Variants in CA12 observed in about 807,000 individuals in gnomAD.
The protein encoded by CA12 is carbonate dehydratase XII.
Under a neutral mutation model 46.8 loss-of-function variants are expected in CA12, and 36 were observed. The observed-to-expected ratio is 0.77, with a 90% CI of 0.59 to 1.02. The LOEUF is 1.02. CA12 is among the 50% of genes least tolerant of loss of function. The pLI, the probability that CA12 is intolerant of heterozygous loss-of-function variation, is 0.00. For synonymous variants in CA12, 202 were observed against 187.0 expected (o/e 1.08, Z -0.65); for missense variants, 436 against 451.4 (o/e 0.97, Z 0.31).
chr15:63,360,907 CCT>C (rs1257733030), intron 2 of CA12, among the ~76,000 whole-genome samples: 1 of 152,248 alleles, frequency 6.6e-6, no homozygotes, highest in Non-Finnish European at 1.5e-5. Flanking sequence ...TCTCTGGTTC[CCT>C]GTGACCAGCC....
intron 2 of CA12, among the ~76,000 whole-genome samples, chr15:63,356,167 C>G (rs938533644): frequency 6.6e-6 from 1 of 152,058 alleles, no homozygotes; most frequent in Non-Finnish European, 1.5e-5. Context: ...CCAAGGAGGG[C>G]AGATCACCTG....
At chr15:63,380,592 C>T (rs1445082477) in intron 1 of CA12, among the ~76,000 whole-genome samples, 1 of 152,238 alleles carries the variant, frequency 6.6e-6, no homozygotes, top group East Asian at 1.9e-4. Flanking sequence ...GCTTCTGTTT[C>T]TCCCTGACCA....
At chr15:63,350,223 G>A (rs1351520312) in intron 2 of CA12, among the ~76,000 whole-genome samples, 2 of 152,188 alleles carry the variant, frequency 1.3e-5, no homozygotes, top group Non-Finnish European at 2.9e-5. Flanking sequence ...CCATGAGGGT[G>A]GGCACCGGGA....
rs913983564 is a variant in CA12, at chr15:63,328,399, C to T, written c.875-269G>A. On this transcript the variant is annotated intron_variant, in intron 8 of 10. Coordinates refer to ENST00000178638, the MANE Select transcript of CA12 (RefSeq NM_001218.5). This position sits in a 1 kb window ranked among gnomAD's most constrained non-coding sequence, Gnocchi z 5.9. ...CCGCCCAGGCTGGAATGCAGTGGTG[C>T]GATCTTGGCTCACTTCAACCTCCGC... 1.4e-5 allele frequency among the ~76,000 whole-genome samples: 2 copies of T among 148,018 alleles called. No individual in the cohort carries two copies. The highest frequency in any genetic ancestry group is 3.0e-5 in the Non-Finnish European group (2 of 67,600).
At chr15:63,350,032 T>G (rs1343331042) in intron 2 of CA12, among the ~76,000 whole-genome samples, 2 of 152,212 alleles carry the variant, frequency 1.3e-5, no homozygotes, top group Non-Finnish European at 2.9e-5. Context: ...TGGTTTCTGT[T>G]TGGGGGCACT....
chr15:63,357,915 A>G (rs1033508952), intron 2 of CA12, among the ~76,000 whole-genome samples: 5 of 152,180 alleles, frequency 3.3e-5, no homozygotes, highest in Admixed American at 6.5e-5. Context: ...AAACAGAATC[A>G]TACAATATGT....
intron 2 of CA12, among the ~76,000 whole-genome samples, chr15:63,364,563 T>C (rs966575498): frequency 5.3e-5 from 8 of 152,006 alleles, no homozygotes; most frequent in African/African-American, 1.7e-4. Flanking sequence ...TGAACACAGA[T>C]TGGGGGATGT....
chr15:63,379,507 G>A (rs1331875478), intron 1 of CA12, among the ~76,000 whole-genome samples: 1 of 152,214 alleles, frequency 6.6e-6, no homozygotes, highest in Non-Finnish European at 1.5e-5. Flanking sequence ...GCCAGGCCAA[G>A]GCCTCAGTGG....
At chr15:63,359,581 C>G (rs1468726495) in intron 2 of CA12, among the ~76,000 whole-genome samples, 1 of 151,998 alleles carries the variant, frequency 6.6e-6, no homozygotes, top group South Asian at 2.1e-4. Flanking sequence ...CATGAGAAAC[C>G]CTCAGACAAA....
rs1476046152 is a variant in CA12 at position 63,328,166 on chromosome 15, G to A, written c.875-36C>T. The A allele has an allele frequency of 6.3e-7, 1 of 1,598,822 alleles. No homozygotes were observed. The highest frequency in any genetic ancestry group is 1.7e-5 in the Admixed American group (1 of 59,990). On this transcript the variant is annotated intron_variant, in intron 8 of 10. Coordinates refer to ENST00000178638, the MANE Select transcript of CA12 (RefSeq NM_001218.5). The surrounding 1 kb of genome is among the most constrained non-coding windows in gnomAD (Gnocchi z 5.9). ...GAGAGGAAAAGACGAGGTTACTCTA[G>A]AGTCAAACCACACTGGATTTGAGCA... is the stretch of plus-strand genomic sequence containing the variant.
Position 63,345,716 on chromosome 15 carries a change from C to T in CA12, c.287-97G>A. 3 of 1,459,858 alleles carry T rather than the reference C, an allele frequency of 2.1e-6. No individual in the cohort carries two copies. Among genetic ancestry groups the T allele is most frequent in the Admixed American group, 3.9e-5 (2 of 51,146 alleles). 90.4% of individuals were successfully genotyped at this position (1,459,858 alleles called of 1,614,324 possible). ...AATGCTCCCTCCACCCCTGCTGCCA[C>T]CCCCTGGAGCCCAGAGAGAGGCAGG... On this transcript the variant is annotated intron_variant, in intron 3 of 10. Coordinates refer to ENST00000178638, the MANE Select transcript of CA12 (RefSeq NM_001218.5). The surrounding 1 kb of genome is among the most constrained non-coding windows in gnomAD (Gnocchi z 4.3).
rs1313163128 is a variant in CA12, at chr15:63,330,073, C to T, written c.875-1943G>A. 6.6e-6 allele frequency among the ~76,000 whole-genome samples: 1 copy of T among 152,214 alleles called. No individual in the cohort carries two copies. Among genetic ancestry groups the T allele is most frequent in the Non-Finnish European group, 1.5e-5 (1 of 68,034 alleles). ...AGGGAAGCCTATTCTCCCTACTCTG[C>T]TCACCACCACCAGCTGCTCATGACC... On this transcript the variant is annotated intron_variant, in intron 8 of 10. Transcript: ENST00000178638. The surrounding 1 kb of genome is among the most constrained non-coding windows in gnomAD (Gnocchi z 4.0).
In CA12 at chr15:63,325,371, A is replaced by C. The variant is rs2038852398; in HGVS notation, c.*914T>G. The C allele has an allele frequency of 6.6e-6, 1 of 152,206 alleles. No individual in the cohort carries two copies. The highest frequency in any genetic ancestry group is 2.4e-5 in the African/African-American group (1 of 41,432). The allele number at this position is 152,206 out of a possible 1,614,324, so 9.4% of individuals were successfully genotyped here. A position where few individuals can be genotyped will look rare whatever the true frequency, so the allele number is the denominator to read the frequency against. On this transcript the variant is annotated 3_prime_UTR_variant, in exon 11 of 11. Transcript: ENST00000178638. The surrounding 1 kb of genome is among the most constrained non-coding windows in gnomAD (Gnocchi z 4.9). ...ATGTCTCCTCCAGGACACAGCAACA[A>C]CACATTTTCAAGGAACAGCCTCATT...
Position 63,326,219 on chromosome 15 carries a change from G to A in CA12, c.*66C>T. 6 of 1,221,962 alleles carry A rather than the reference G, an allele frequency of 4.9e-6. No individual in the cohort carries two copies. The highest frequency in any genetic ancestry group is 7.3e-6 in the Non-Finnish European group (6 of 823,242). 75.7% of individuals were successfully genotyped at this position (1,221,962 alleles called of 1,614,324 possible). A position where few individuals can be genotyped will look rare whatever the true frequency, so the allele number is the denominator to read the frequency against. ...CACCTTGAGGTGTCGCAAGTGTCCA[G>A]AGAGCCGAAGTGTGTAGGGTCCAAA... On this transcript the variant is annotated 3_prime_UTR_variant, in exon 11 of 11. Transcript: ENST00000178638.
At chr15:63,342,477 G>A (rs2039093178) in intron 4 of CA12, among the ~76,000 whole-genome samples, 1 of 151,856 alleles carries the variant, frequency 6.6e-6, no homozygotes, top group Non-Finnish European at 1.5e-5. Flanking sequence ...TTCCAATAAG[G>A]GGTTGTAGAG....
chr15:63,363,923 C>A (rs1030227107), intron 2 of CA12, among the ~76,000 whole-genome samples: 1 of 152,170 alleles, frequency 6.6e-6, no homozygotes, highest in Non-Finnish European at 1.5e-5. Context: ...TGCGGTGGCT[C>A]ACGCCTGTAA....
intron 2 of CA12, among the ~76,000 whole-genome samples, chr15:63,366,700 T>G (rs1004210116): frequency 1.3e-5 from 2 of 152,230 alleles, no homozygotes; most frequent in African/African-American, 4.8e-5. Flanking sequence ...GTGGGAAATT[T>G]TAAACTACTT....
chr15:63,340,614 G>A lies in CA12; in HGVS notation c.589+106C>T. On this transcript the variant is annotated intron_variant, in intron 6 of 10. Transcript: ENST00000178638. The surrounding 1 kb of genome is among the most constrained non-coding windows in gnomAD (Gnocchi z 4.4). ...AACAACCTGCTGCTCTTAACCTGGT[G>A]AACACAGACAGCACCTGCCCCTTGT... The A allele has an allele frequency of 7.1e-7, 1 of 1,406,142 alleles. No individual in the cohort carries two copies. Among genetic ancestry groups the A allele is most frequent in the Admixed American group, 1.7e-5 (1 of 59,562 alleles). The allele number at this position is 1,406,142 out of a possible 1,614,324, so 87.1% of individuals were successfully genotyped here.
intron 2 of CA12, among the ~76,000 whole-genome samples, chr15:63,364,014 C>A (rs1017653632): frequency 6.6e-6 from 1 of 151,258 alleles, no homozygotes; most frequent in Non-Finnish European, 1.5e-5. Context: ...ATGGAGAAAC[C>A]CCATCTCTAC....
Sources: gnomAD v4.1 joint callset for allele counts (sites outside exome capture counted in the v4.1 genomes callset) on GRCh38, gnomAD v4.1.1 for gene constraint, Gnocchi (gnomAD v3.1) non-coding constraint, MANE v1.5 for transcripts, NCBI Gene and HGNC (gene_info 2026-07-23, HGNC 2026-07-21) for gene names.